The following BRMS1L variants were observed in gnomAD, a reference collection of about 807,000 sequenced individuals.
The protein encoded by BRMS1L is breast cancer metastasis-suppressor 1-like protein.
Under a neutral mutation model 50.3 loss-of-function variants are expected in BRMS1L, and 23 were observed. That is an observed-to-expected ratio of 0.46 (90% CI 0.33 to 0.65). The LOEUF (loss-of-function observed/expected upper bound fraction) is 0.65, where lower values mean the gene tolerates loss of function less well. BRMS1L is among the 30% of genes least tolerant of loss of function. BRMS1L has a pLI of 0.02. For synonymous variants in BRMS1L, 114 were observed against 126.9 expected (o/e 0.90, Z 0.69); for missense variants, 286 against 386.1 (o/e 0.74, Z 2.17).
chr14:35,865,061 G>A (rs1240176665), intron 7 of BRMS1L, 62 bp downstream of exon 7: 8 of 1,234,582 alleles, frequency 6.5e-6, no homozygotes, highest in Non-Finnish European at 9.0e-6. Context: ...AAGATTCTAT[G>A]TTTTTTTTGT....
At chr14:35,855,219 G>A (rs2142055691) in intron 4 of BRMS1L, among the ~76,000 whole-genome samples, 1 of 152,250 alleles carries the variant, frequency 6.6e-6, no homozygotes, top group Non-Finnish European at 1.5e-5. Flanking sequence ...CTGGTTTCTA[G>A]CTCCTTGTTG....
At chr14:35,844,749 C>T (rs1454396754) in intron 4 of BRMS1L, among the ~76,000 whole-genome samples, 1 of 152,150 alleles carries the variant, frequency 6.6e-6, no homozygotes, top group African/African-American at 2.4e-5. Context: ...TCAAGACCAG[C>T]CTGGGCAACA....
chr14:35,859,971 AAATTC>A (rs1030957384), intron 4 of BRMS1L, among the ~76,000 whole-genome samples: 8 of 152,120 alleles, frequency 5.3e-5, no homozygotes, highest in African/African-American at 1.9e-4. Context: ...TTTAATAAAA[AAATTC>A]GTATCTTCAG....
intron 4 of BRMS1L, among the ~76,000 whole-genome samples, chr14:35,844,628 A>G (rs1199008245): frequency 1.3e-5 from 2 of 152,100 alleles, no homozygotes; most frequent in East Asian, 3.9e-4. Flanking sequence ...AGCTGTTCCT[A>G]TTTGGCCATC....
chr14:35,846,798 G>T (rs1424771601), intron 4 of BRMS1L, among the ~76,000 whole-genome samples: 3 of 152,136 alleles, frequency 2.0e-5, no homozygotes, highest in African/African-American at 7.2e-5. Context: ...ATTTTGAGGA[G>T]AAGGACTTTG....
chr14:35,855,085 T>A (rs2078263523), intron 4 of BRMS1L, among the ~76,000 whole-genome samples: 1 of 152,238 alleles, frequency 6.6e-6, no homozygotes, highest in Non-Finnish European at 1.5e-5. Flanking sequence ...CCAGTTCCAG[T>A]TCCCTATTCT....
In BRMS1L at chr14:35,862,592, C is replaced by G. The variant is rs1267795187; in HGVS notation, c.444C>G (p.Ser148Arg). ...EIQASRQHCE[S>R]EKLLLYDTVQ... is the part of the protein sequence containing the mutation. The stretch of plus-strand genomic sequence containing the variant: ...GTATAATCTGTTTTTCTCCCCAGAG[C>G]GAAAAGCTGTTGCTATATGATACAG... The change falls in exon 5 of 10, where the codon AGC (serine) becomes AGG (arginine). Residue 148 changes from serine to arginine, a missense_variant and splice_region_variant. This residue lies in a region of BRMS1L where 160 missense variants were observed against 240.6 expected (regional missense o/e 0.66). Coordinates refer to ENST00000216807, the MANE Select transcript of BRMS1L (RefSeq NM_032352.4). 6.4e-7 allele frequency: 1 copy of G among 1,572,562 alleles called. No individual in the cohort carries two copies. Among genetic ancestry groups the G allele is most frequent in the Non-Finnish European group, 8.6e-7 (1 of 1,159,024 alleles).
intron 1 of BRMS1L, chr14:35,829,773 A>G (rs1387184215): frequency 3.7e-6 from 4 of 1,070,508 alleles, no homozygotes; most frequent in Non-Finnish European, 5.0e-6. Flanking sequence ...ATAATTGAAC[A>G]TGATTTAACT....
chr14:35,859,795 C>T (rs926470173), intron 4 of BRMS1L, among the ~76,000 whole-genome samples: 38 of 151,522 alleles, frequency 2.5e-4, no homozygotes, highest in African/African-American at 4.9e-5. Flanking sequence ...GACTACAGGC[C>T]CACGCTGCCA....
chr14:35,847,391 T>TCGCC (rs1161597699), intron 4 of BRMS1L, among the ~76,000 whole-genome samples: 1 of 152,104 alleles, frequency 6.6e-6, no homozygotes, highest in Non-Finnish European at 1.5e-5. Flanking sequence ...AGCCACAAAC[T>TCGCC]CGAGCTCAAA....
intron 8 of BRMS1L, among the ~76,000 whole-genome samples, chr14:35,866,633 A>G (rs1467911209): frequency 2.0e-5 from 3 of 152,138 alleles, no homozygotes; most frequent in Admixed American, 1.3e-4. Flanking sequence ...TGAGCCCTGG[A>G]GGTCGAGGCT....
At chr14:35,867,463 A>T (rs2078436291) in intron 8 of BRMS1L, among the ~76,000 whole-genome samples, 1 of 152,210 alleles carries the variant, frequency 6.6e-6, no homozygotes, top group South Asian at 2.1e-4. Flanking sequence ...TACTTAGGAC[A>T]TTTCCTTTTT....
At chr14:35,842,428 G>T (rs943163064) in intron 4 of BRMS1L, among the ~76,000 whole-genome samples, 3 of 152,078 alleles carry the variant, frequency 2.0e-5, no homozygotes, top group Non-Finnish European at 1.5e-5. Context: ...TTTCTCCTTT[G>T]CTTATGGAGC....
At chr14:35,853,294 T>A (rs1010061016) in intron 4 of BRMS1L, among the ~76,000 whole-genome samples, 7 of 152,194 alleles carry the variant, frequency 4.6e-5, no homozygotes, top group African/African-American at 1.7e-4. Flanking sequence ...ATAGCATATA[T>A]CTTGATGATT....
intron 1 of BRMS1L, among the ~76,000 whole-genome samples, chr14:35,827,510 T>A (rs1484649025): frequency 6.6e-6 from 1 of 152,196 alleles, no homozygotes; most frequent in Non-Finnish European, 1.5e-5. Context: ...TGATGATAGG[T>A]TGATGACAGC....
At chr14:35,853,736 A>G (rs2078244283) in intron 4 of BRMS1L, among the ~76,000 whole-genome samples, 1 of 152,120 alleles carries the variant, frequency 6.6e-6, no homozygotes, top group African/African-American at 2.4e-5. Flanking sequence ...CCATATTTTG[A>G]TATTTAATGC....
intron 1 of BRMS1L, among the ~76,000 whole-genome samples, chr14:35,830,500 G>C (rs2077905372): frequency 1.3e-5 from 2 of 151,968 alleles, no homozygotes; most frequent in Admixed American, 1.3e-4. Flanking sequence ...TGGGACTACA[G>C]GCATCCACCA....
chr14:35,830,800 A>G (rs929515722), intron 1 of BRMS1L, among the ~76,000 whole-genome samples: 7 of 152,192 alleles, frequency 4.6e-5, no homozygotes, highest in African/African-American at 1.7e-4. Context: ...TGGAAAACAA[A>G]CCAAATGTGG....
At chr14:35,826,910 G>A (rs2077853725) in intron 1 of BRMS1L, 2 of 510,732 alleles carry the variant, frequency 3.9e-6, no homozygotes, top group African/African-American at 2.0e-5. Context: ...TCCTGCCCCC[G>A]GTGGTGCTCT....
Sources: gnomAD v4.1 joint callset for allele counts (sites outside exome capture counted in the v4.1 genomes callset) on GRCh38, gnomAD v4.1.1 for gene constraint, gnomAD v4.1.1 regional missense constraint, MANE v1.5 for transcripts, NCBI Gene and HGNC (gene_info 2026-07-23, HGNC 2026-07-21) for gene names.